MYH15: variants seen among roughly 807,000 people sequenced by gnomAD.
MYH15 encodes myosin-15.
MYH15 carries 227 observed loss-of-function variants against 240.5 expected under a neutral mutation model. The observed-to-expected ratio is 0.94, with a 90% CI of 0.85 to 1.05. The LOEUF is 1.05. MYH15 is among the 50% of genes least tolerant of loss of function. The pLI is 0.00. For synonymous variants in MYH15, 785 were observed against 796.7 expected, an observed-to-expected ratio of 0.99 and a Z score of 0.25; for missense variants, 2,217 against 2,247.5, an observed-to-expected ratio of 0.99 and a Z score of 0.27.
chr3:108,490,676 G>A (rs1391987210), intron 9 of MYH15, among the ~76,000 whole-genome samples: 2 of 152,118 alleles, frequency 1.3e-5, no homozygotes, highest in Non-Finnish European at 2.9e-5. Flanking sequence ...CTCCTCCTGG[G>A]ATTTTATTCC....
Position 108,483,339 on chromosome 3 carries a change from A to C in MYH15, c.1114+1752T>G, listed in dbSNP as rs1347184229. ...CCGATAAGCACATAAAAAGATGTTC[A>C]ACATCACCAATCAGTAGGGAAATGC... is the stretch of plus-strand genomic sequence containing the variant. On this transcript the variant is annotated intron_variant, in intron 11 of 40. Coordinates refer to ENST00000693548, the MANE Select transcript of MYH15 (RefSeq NM_014981.3). Among the ~76,000 whole-genome samples the C allele has an allele frequency of 1.1e-4, 16 of 152,246 alleles. No individual in the cohort carries two copies. In the East Asian group the frequency reaches 3.1e-3, roughly 29 times the overall value.
upstream of MYH15, among the ~76,000 whole-genome samples, chr3:108,511,960 A>G (rs1196662913): frequency 1.3e-5 from 2 of 152,186 alleles, no homozygotes; most frequent in African/African-American, 4.8e-5. Flanking sequence ...CTGCCAGCAA[A>G]TAGGCATGTG....
At chr3:108,524,913 T>C (rs2083654790) in intron 1 of MYH15, among the ~76,000 whole-genome samples, 1 of 152,080 alleles carries the variant, frequency 6.6e-6, no homozygotes, top group Non-Finnish European at 1.5e-5. Flanking sequence ...CCCAGCCATT[T>C]TGTTCATTTA....
At chr3:108,383,812 T>C (rs1285623480) in intron 39 of MYH15, 83 bp from the exon 40 acceptor site, 1 of 1,103,772 alleles carries the variant, frequency 9.1e-7, no homozygotes, top group African/African-American at 1.6e-5. Context: ...CATGAGAAAG[T>C]TGAATAATGT....
At chr3:108,411,795 G>A (rs936556442) in intron 30 of MYH15, among the ~76,000 whole-genome samples, 4 of 152,100 alleles carry the variant, frequency 2.6e-5, no homozygotes, top group Non-Finnish European at 2.9e-5. Context: ...AAGGTTCTCC[G>A]GAATTAATAG....
intron 15 of MYH15, among the ~76,000 whole-genome samples, chr3:108,463,822 G>A (rs2083091429): frequency 6.6e-6 from 1 of 152,044 alleles, no homozygotes; most frequent in Non-Finnish European, 1.5e-5. Context: ...AGGGGAAGAA[G>A]TAGAAGAGAG....
chr3:108,523,587 T>G (rs2083641092), intron 1 of MYH15, among the ~76,000 whole-genome samples: 1 of 151,950 alleles, frequency 6.6e-6, no homozygotes, highest in South Asian at 2.1e-4. Context: ...GCTTGGGGTT[T>G]TTTTGCTTGC....
At chr3:108,492,660 A>C in intron 8 of MYH15, 65 bp from the exon 9 acceptor site, 1 of 1,261,070 alleles carries the variant, frequency 7.9e-7, no homozygotes, top group East Asian at 2.4e-5. Context: ...GAAGAAAAGT[A>C]ATCAGGCTGA....
intron 21 of MYH15, among the ~76,000 whole-genome samples, chr3:108,450,563 T>C (rs557255336): frequency 6.6e-6 from 1 of 152,304 alleles, no homozygotes; most frequent in South Asian, 2.1e-4. Flanking sequence ...AATGAGGAGA[T>C]GTTGCTCAAA....
At chr3:108,529,288 A>G (rs1559678621) in exon 1 of MYH15, 1 of 1,587,956 alleles carries the variant, frequency 6.3e-7, no homozygotes, top group Admixed American at 1.7e-5. Context: ...AAGATGAGGT[A>G]AATACAATTA....
At chr3:108,460,263 G>C in intron 17 of MYH15, 37 bp downstream of exon 17, 1 of 1,460,958 alleles carries the variant, frequency 6.8e-7, no homozygotes, top group Non-Finnish European at 9.3e-7. Context: ...CAGATTGTGA[G>C]GCAATTAATA....
intron 27 of MYH15, among the ~76,000 whole-genome samples, chr3:108,422,299 C>A (rs2082690003): frequency 6.6e-6 from 1 of 151,458 alleles, no homozygotes; most frequent in Non-Finnish European, 1.5e-5. Flanking sequence ...CTCACTGTAA[C>A]CTCCACTTCC....
intron 1 of MYH15, 36 bp from the exon 2 acceptor site, chr3:108,505,865 T>C (rs982569730): frequency 7.4e-7 from 1 of 1,345,678 alleles, no homozygotes; most frequent in African/African-American, 1.5e-5. Context: ...GGATTATAGC[T>C]ATAGTACTTA....
the MYH15 span, among the ~76,000 whole-genome samples, chr3:108,539,113 C>A: frequency 6.6e-6 from 1 of 152,288 alleles, no homozygotes; most frequent in South Asian, 2.1e-4. Context: ...GTTTCCTACA[C>A]ATGAACTTTG....
At chr3:108,443,852 T>C (rs1424335359) in intron 22 of MYH15, among the ~76,000 whole-genome samples, 1 of 125,666 alleles carries the variant, frequency 8.0e-6, no homozygotes, top group East Asian at 2.4e-4. Flanking sequence ...GAGTGGAGTC[T>C]AGGCATCTTT....
chr3:108,448,008 G>A (rs1017010422), intron 21 of MYH15, among the ~76,000 whole-genome samples: 1 of 152,060 alleles, frequency 6.6e-6, no homozygotes, highest in Non-Finnish European at 1.5e-5. Context: ...TTTATATGTA[G>A]TTGAAGTTAA....
chr3:108,509,043 G>A (rs2083500946), intron 1 of MYH15, among the ~76,000 whole-genome samples: 1 of 152,168 alleles, frequency 6.6e-6, no homozygotes, highest in Non-Finnish European at 1.5e-5. Context: ...TACCCAGCCA[G>A]AGATGGTCAA....
the MYH15 span, among the ~76,000 whole-genome samples, chr3:108,545,931 CATA>C: frequency 5.9e-5 from 9 of 152,076 alleles, no homozygotes; most frequent in South Asian, 2.1e-4. Flanking sequence ...AATTTTGTGC[CATA>C]ATATTACTGT....
chr3:108,464,197 G>A (rs865854016), intron 15 of MYH15, among the ~76,000 whole-genome samples: 3 of 152,172 alleles, frequency 2.0e-5, no homozygotes, highest in Non-Finnish European at 4.4e-5. Context: ...AGGAGAGGTA[G>A]CAAGGGTCAT....
Sources: allele counts gnomAD v4.1 joint callset (sites outside exome capture counted in the v4.1 genomes callset), GRCh38; gene constraint gnomAD v4.1.1; transcripts MANE v1.5; gene names NCBI Gene and HGNC (gene_info 2026-07-23, HGNC 2026-07-21).